Variants in EVA1C observed in about 807,000 individuals in gnomAD.
EVA1C encodes eva-1 homolog C.
EVA1C carries 25 observed loss-of-function variants against 45.4 expected under a neutral mutation model. The ratio of observed to expected loss-of-function variants is 0.55; its 90% CI spans 0.40 to 0.77. EVA1C has a LOEUF of 0.77. Ranked by LOEUF, EVA1C falls within the 30% of genes least tolerant of loss-of-function variation. The pLI is 0.00. For missense variants in EVA1C, 479 were observed against 554.8 expected, an observed-to-expected ratio of 0.86 and a Z score of 1.37; for synonymous variants, 190 against 221.2, an observed-to-expected ratio of 0.86 and a Z score of 1.25.
chr21:32,457,733 G>C lies in EVA1C; in HGVS notation c.481+13G>C. The C allele has an allele frequency of 6.2e-7, 1 of 1,614,012 alleles. No homozygotes were observed. ...AAATGCCAACCTAGTAAGTAACTTC[G>C]GAGGGGGACAGTGTGTTTGGGGTGT... On this transcript the variant is annotated intron_variant, in intron 3 of 7. Coordinates refer to ENST00000300255, the MANE Select transcript of EVA1C (RefSeq NM_058187.5).
At chr21:32,418,043 A>G (rs1324591248) in intron 1 of EVA1C, among the ~76,000 whole-genome samples, 1 of 152,070 alleles carries the variant, frequency 6.6e-6, no homozygotes, top group Non-Finnish European at 1.5e-5. Flanking sequence ...CCCCTACCCT[A>G]GGGCTCATCA....
At chr21:32,476,170 T>C (rs1471214599) in intron 4 of EVA1C, among the ~76,000 whole-genome samples, 3 of 152,198 alleles carry the variant, frequency 2.0e-5, no homozygotes, top group African/African-American at 4.8e-5. Context: ...GGGATCTTTA[T>C]TGATTTATTT....
intron 1 of EVA1C, among the ~76,000 whole-genome samples, chr21:32,451,115 T>G (rs1239166863): frequency 1.3e-5 from 2 of 152,088 alleles, no homozygotes; most frequent in Admixed American, 6.5e-5. Flanking sequence ...GACTTCAGAT[T>G]TCAGGGAAGG....
At chr21:32,451,049 G>A (rs1360965144) in intron 1 of EVA1C, among the ~76,000 whole-genome samples, 1 of 152,174 alleles carries the variant, frequency 6.6e-6, no homozygotes, top group East Asian at 1.9e-4. Flanking sequence ...TTCCTCTAGA[G>A]AGCACTCTGG....
chr21:32,455,567 G>A (rs143877857), intron 2 of EVA1C, among the ~76,000 whole-genome samples: 102 of 152,178 alleles, frequency 6.7e-4, no homozygotes, highest in Middle Eastern at 6.8e-3. Flanking sequence ...ACCTGCCCTG[G>A]CCATCCATCC....
At chr21:32,495,740 C>T (rs554581840) in intron 5 of EVA1C, among the ~76,000 whole-genome samples, 6 of 152,296 alleles carry the variant, frequency 3.9e-5, no homozygotes, top group South Asian at 2.1e-4. Flanking sequence ...ATGCCTTCTT[C>T]GTTTAGATTC....
At chr21:32,481,401 C>CTT (rs5843555) in intron 4 of EVA1C, among the ~76,000 whole-genome samples, 1,860 of 133,028 alleles carry the variant, frequency 0.014, 55 homozygotes, top group African/African-American at 0.049. Flanking sequence ...GAAACAGAAC[C>CTT]TTTTTTTTTT....
At chr21:32,513,647 C>T (rs1215913650) in intron 7 of EVA1C, among the ~76,000 whole-genome samples, 2 of 145,696 alleles carry the variant, frequency 1.4e-5, no homozygotes, top group African/African-American at 5.2e-5. Context: ...AGTGATCCTC[C>T]CACCTCAGCT....
At chr21:32,450,466 T>C (rs1465638613) in intron 1 of EVA1C, among the ~76,000 whole-genome samples, 2 of 150,218 alleles carry the variant, frequency 1.3e-5, no homozygotes, top group Admixed American at 6.6e-5. Context: ...ACTCTGAAAA[T>C]TGATTTGATG....
At chr21:32,486,495 C>CT (rs926532540) in intron 4 of EVA1C, among the ~76,000 whole-genome samples, 6 of 152,170 alleles carry the variant, frequency 3.9e-5, no homozygotes, top group Non-Finnish European at 7.4e-5. Flanking sequence ...ACTGCTTCCT[C>CT]TATGCCCCTG....
intron 1 of EVA1C, among the ~76,000 whole-genome samples, chr21:32,426,872 G>T (rs777760035): frequency 2.0e-5 from 3 of 152,156 alleles, no homozygotes; most frequent in African/African-American, 2.4e-5. Context: ...AAGAGAGCGA[G>T]CAGGGGCACC....
rs16989435 is a variant in EVA1C, at chr21:32,504,469, C to T, written c.949+454C>T. ...TATTCCTAATAGTTGTCAAGGATTC[C>T]CTTGTTAGTCTTCCCCATGAGGATC... On this transcript the variant is annotated intron_variant, in intron 7 of 7. Transcript: ENST00000300255. Among the ~76,000 whole-genome samples, 1,031 of 152,236 alleles carry T rather than the reference C, an allele frequency of 6.8e-3. 19 individuals are homozygous for T. Among genetic ancestry groups the T allele is most frequent in the East Asian group, 0.045 (234 of 5,178 alleles).
rs146603720 is a variant in EVA1C, at chr21:32,448,522, C to G, written c.161-4790C>G. ...TCCCTAACGCTAGCTCCTCTCCTCC[C>G]ATAGGTAATGCTATCCTGGGGCCGA... On this transcript the variant is annotated intron_variant, in intron 1 of 7. Coordinates refer to ENST00000300255, the MANE Select transcript of EVA1C (RefSeq NM_058187.5). 1.9e-3 allele frequency among the ~76,000 whole-genome samples: 287 copies of G among 152,218 alleles called. 3 individuals carry two copies. The highest frequency in any genetic ancestry group is 6.6e-3 in the African/African-American group (276 of 41,542).
chr21:32,442,566 C>G (rs2035214870), intron 1 of EVA1C, among the ~76,000 whole-genome samples: 1 of 148,854 alleles, frequency 6.7e-6, no homozygotes, highest in Non-Finnish European at 1.5e-5. Flanking sequence ...AAAAAGACTT[C>G]AAACATGTAA....
intron 7 of EVA1C, among the ~76,000 whole-genome samples, chr21:32,508,327 G>T (rs758202450): frequency 6.6e-6 from 1 of 152,208 alleles, no homozygotes; most frequent in Non-Finnish European, 1.5e-5. Context: ...TCAGCCTCTG[G>T]CAGGCCCTGC....
At chr21:32,460,003 T>C (rs899145390) in intron 3 of EVA1C, among the ~76,000 whole-genome samples, 1 of 152,212 alleles carries the variant, frequency 6.6e-6, no homozygotes, top group African/African-American at 2.4e-5. Flanking sequence ...AGAAGTCAAA[T>C]GACCTTTGTA....
intron 3 of EVA1C, among the ~76,000 whole-genome samples, chr21:32,464,131 A>C (rs1040018692): frequency 1.1e-4 from 16 of 152,226 alleles, no homozygotes; most frequent in Non-Finnish European, 2.2e-4. Flanking sequence ...GGTCAGACTT[A>C]GCAGTCTTTT....
chr21:32,501,648 G>A (rs2037535200), intron 6 of EVA1C, 153 bp downstream of exon 6: 12 of 862,092 alleles, frequency 1.4e-5, no homozygotes, highest in South Asian at 7.0e-5. Context: ...GCTTATTATC[G>A]GCCAATAGTT....
In EVA1C at chr21:32,502,037, TTTCTTTCTTTCTTTCTTC is replaced by T. The variant is rs1430688241; in HGVS notation, c.859+545_859+562del. On this transcript the variant is annotated intron_variant, in intron 6 of 7. Transcript: ENST00000300255. Reference sequence around the variant, plus strand: ...CTTTCTTTCTTTCTTTCTTTCTTTCTTTCTTTCTTTCTTTCTTCTTTCTTTCTTTCTTCTGTCTTTCTT... The same window carrying T: ...CTTTCTTTCTTTCTTTCTTTCTTTCTTTTCTTTCTTTCTTCTGTCTTTCTT... Among the ~76,000 whole-genome samples, 7 of 75,870 alleles carry T rather than the reference TTTCTTTCTTTCTTTCTTC, an allele frequency of 9.2e-5. No individual in the cohort carries two copies. The East Asian group carries it at 1.0e-3, about 11-fold the overall frequency. 49.8% of individuals were successfully genotyped at this position (75,870 alleles called of 152,430 possible).
Sources: gnomAD v4.1 joint callset for allele counts (sites outside exome capture counted in the v4.1 genomes callset) on GRCh38, gnomAD v4.1.1 for gene constraint, MANE v1.5 for transcripts, NCBI Gene and HGNC (gene_info 2026-07-23, HGNC 2026-07-21) for gene names.